The following ARHGAP32 variants were observed in gnomAD, a reference collection of about 807,000 sequenced individuals.
ARHGAP32 encodes the protein rho GTPase-activating protein 32.
Under a neutral mutation model 186.5 loss-of-function variants are expected in ARHGAP32, and 51 were observed. The ratio of observed to expected loss-of-function variants is 0.27; its 90% CI spans 0.22 to 0.35. ARHGAP32 has a LOEUF of 0.35. Among genes scored for constraint, ARHGAP32 ranks in the 10% least tolerant of loss-of-function variants. The pLI is 1.00. For synonymous variants in ARHGAP32, 950 were observed against 964.3 expected, an observed-to-expected ratio of 0.99 and a Z score of 0.27; for missense variants, 2,186 against 2,623.5, an observed-to-expected ratio of 0.83 and a Z score of 3.64.
chr11:129,112,460 T>A (rs2135344552), intron 5 of ARHGAP32, among the ~76,000 whole-genome samples: 1 of 152,218 alleles, frequency 6.6e-6, no homozygotes. Flanking sequence ...TTTTAGTTAG[T>A]TTGTTTTTTT....
At chr11:129,168,501 T>C (rs541316917) in intron 1 of ARHGAP32, among the ~76,000 whole-genome samples, 1 of 152,284 alleles carries the variant, frequency 6.6e-6, no homozygotes, top group African/African-American at 2.4e-5. Flanking sequence ...AAAATTTGTA[T>C]GCAAAAAATA....
chr11:129,221,868 T>A (rs1482547779), intron 1 of ARHGAP32, among the ~76,000 whole-genome samples: 4 of 152,028 alleles, frequency 2.6e-5, no homozygotes, highest in Admixed American at 2.6e-4. Context: ...ACCCTCTTCT[T>A]TCTTTCTGCT....
chr11:129,102,271 T>C (rs565370507), intron 5 of ARHGAP32, among the ~76,000 whole-genome samples: 1 of 152,260 alleles, frequency 6.6e-6, no homozygotes, highest in African/African-American at 2.4e-5. Flanking sequence ...AGACCAATGA[T>C]ACTATAAAGC....
At chr11:129,154,898 A>G (rs1274293140) in intron 2 of ARHGAP32, among the ~76,000 whole-genome samples, 2 of 151,378 alleles carry the variant, frequency 1.3e-5, no homozygotes, top group African/African-American at 4.9e-5. Flanking sequence ...TTAAAAAAAA[A>G]TTGTATGATA....
At chr11:129,194,521 C>T (rs1426031915), upstream of ARHGAP32, among the ~76,000 whole-genome samples, 3 of 152,066 alleles carry the variant, frequency 2.0e-5, no homozygotes, top group Admixed American at 1.3e-4. Context: ...GTGCAGTATG[C>T]TATGCTGCCA....
intron 1 of ARHGAP32, among the ~76,000 whole-genome samples, chr11:129,191,786 TAG>T (rs1342619949): frequency 6.6e-6 from 1 of 151,804 alleles, no homozygotes; most frequent in Non-Finnish European, 1.5e-5. Flanking sequence ...CAGGAAGGGG[TAG>T]TAGTTCATTA....
intron 1 of ARHGAP32, among the ~76,000 whole-genome samples, chr11:129,217,455 G>A (rs1322312641): frequency 6.6e-6 from 1 of 152,156 alleles, no homozygotes; most frequent in Non-Finnish European, 1.5e-5. Flanking sequence ...TGCCTAAGTG[G>A]TAGGAAGATG....
At chr11:129,056,036 C>T (rs956328131) in intron 10 of ARHGAP32, among the ~76,000 whole-genome samples, 3 of 152,118 alleles carry the variant, frequency 2.0e-5, no homozygotes, top group Admixed American at 6.5e-5. Flanking sequence ...GTGATTCTGG[C>T]CCTGGTGCTC....
At chr11:129,263,921 A>G (rs1421734622) in intron 1 of ARHGAP32, among the ~76,000 whole-genome samples, 2 of 152,210 alleles carry the variant, frequency 1.3e-5, no homozygotes, top group Non-Finnish European at 2.9e-5. Flanking sequence ...CAGGAACTCA[A>G]AGAGGTATTT....
chr11:129,133,108 G>T (rs1942852313), intron 2 of ARHGAP32, among the ~76,000 whole-genome samples: 1 of 152,152 alleles, frequency 6.6e-6, no homozygotes, highest in African/African-American at 2.4e-5. Context: ...CGTCTTACAT[G>T]TTTAGAGCCG....
chr11:129,144,197 G>A (rs1943122430), intron 2 of ARHGAP32, among the ~76,000 whole-genome samples: 1 of 152,134 alleles, frequency 6.6e-6, no homozygotes, highest in Admixed American at 6.6e-5. Flanking sequence ...ATTCAAAATT[G>A]TTGCAGGTCC....
At chr11:129,247,033 C>T (rs910714485) in intron 1 of ARHGAP32, among the ~76,000 whole-genome samples, 2 of 152,176 alleles carry the variant, frequency 1.3e-5, no homozygotes, top group African/African-American at 2.4e-5. Context: ...CTACCTTCCA[C>T]GCTCTATAGT....
chr11:129,068,583 C>A (rs1465171470), intron 6 of ARHGAP32, among the ~76,000 whole-genome samples: 3 of 152,092 alleles, frequency 2.0e-5, no homozygotes, highest in Non-Finnish European at 4.4e-5. Context: ...TCAGAATTTA[C>A]AGCACTGCTA....
At chr11:129,024,228 A>G in intron 11 of ARHGAP32, 1 of 961,350 alleles carries the variant, frequency 1.0e-6, no homozygotes, top group Non-Finnish European at 1.2e-6. Flanking sequence ...CTAAACTCAC[A>G]CTTGCAGAAC....
intron 1 of ARHGAP32, among the ~76,000 whole-genome samples, chr11:129,228,068 TAAC>T (rs1283471431): frequency 6.6e-6 from 1 of 152,040 alleles, no homozygotes; most frequent in Non-Finnish European, 1.5e-5. Flanking sequence ...TAGAGATTAA[TAAC>T]AAGGAGATCT....
At chr11:129,107,254 T>A (rs949192927) in intron 5 of ARHGAP32, among the ~76,000 whole-genome samples, 2 of 152,034 alleles carry the variant, frequency 1.3e-5, no homozygotes, top group East Asian at 1.9e-4. Context: ...ATTCACAGAT[T>A]TCCCCCAAAA....
chr11:129,130,664 G>A (rs952178541), intron 2 of ARHGAP32, among the ~76,000 whole-genome samples: 1 of 151,986 alleles, frequency 6.6e-6, no homozygotes, highest in South Asian at 2.1e-4. Context: ...TGAAGTAACA[G>A]TGCACACCTG....
At chr11:129,086,586 C>T (rs569733185) in intron 6 of ARHGAP32, among the ~76,000 whole-genome samples, 22 of 152,196 alleles carry the variant, frequency 1.4e-4, no homozygotes, top group South Asian at 2.1e-4. Context: ...CTTTGGGAGG[C>T]CAAGGCGGGC....
At chr11:129,057,046 G>A (rs973856188) in intron 10 of ARHGAP32, among the ~76,000 whole-genome samples, 8 of 152,080 alleles carry the variant, frequency 5.3e-5, no homozygotes, top group African/African-American at 7.2e-5. Flanking sequence ...TTCTGCAGCC[G>A]GAGCCCAGTT....
Sources: gnomAD v4.1 joint callset for allele counts (sites outside exome capture counted in the v4.1 genomes callset) on GRCh38, gnomAD v4.1.1 for gene constraint, MANE v1.5 for transcripts, NCBI Gene and HGNC (gene_info 2026-07-23, HGNC 2026-07-21) for gene names.